Variants in THSD7B observed in about 807,000 individuals in gnomAD.
The protein encoded by THSD7B is thrombospondin type-1 domain-containing protein 7B.
THSD7B carries 138 observed loss-of-function variants against 213.6 expected under a neutral mutation model. That is an observed-to-expected ratio of 0.65 (90% CI 0.56 to 0.74). The LOEUF (loss-of-function observed/expected upper bound fraction) is 0.74. Ranked by LOEUF, THSD7B falls within the 30% of genes least tolerant of loss-of-function variation. The probability of loss-of-function intolerance (pLI) is 0.00; values close to 1 mark genes in which losing one functional copy is unlikely to be tolerated. For missense variants in THSD7B, 1,931 were observed against 1,991.5 expected (o/e 0.97, Z 0.58); for synonymous variants, 742 against 687.0 (o/e 1.08, Z -1.25).
At chr2:137,254,785 A>G (rs1436274815) in intron 10 of THSD7B, among the ~76,000 whole-genome samples, 1 of 152,092 alleles carries the variant, frequency 6.6e-6, no homozygotes, top group Admixed American at 6.6e-5. Flanking sequence ...CCCCAAGTAA[A>G]TTGTAGGATT....
intron 24 of THSD7B, among the ~76,000 whole-genome samples, chr2:137,659,255 G>C (rs1032440838): frequency 7.9e-5 from 12 of 152,088 alleles, no homozygotes; most frequent in African/African-American, 2.9e-4. Flanking sequence ...GTTGAAATCG[G>C]CCTAGTGCCT....
At chr2:137,062,311 T>C (rs965175086) in intron 3 of THSD7B, among the ~76,000 whole-genome samples, 2 of 151,634 alleles carry the variant, frequency 1.3e-5, no homozygotes, top group Non-Finnish European at 3.0e-5. Flanking sequence ...TTTTTTTCTA[T>C]TGATTTTTTT....
At chr2:137,536,689 C>G (rs926878753) in intron 15 of THSD7B, among the ~76,000 whole-genome samples, 1 of 150,334 alleles carries the variant, frequency 6.7e-6, no homozygotes, top group African/African-American at 2.4e-5. Context: ...AAAAAAAAGA[C>G]AAAGAAAAAA....
chr2:137,569,016 C>T (rs948185771), intron 16 of THSD7B, among the ~76,000 whole-genome samples: 1 of 152,122 alleles, frequency 6.6e-6, no homozygotes, highest in African/African-American at 2.4e-5. Context: ...GGAAGATTTT[C>T]TTAGATTGTC....
chr2:137,587,146 C>A (rs958220303), intron 17 of THSD7B, among the ~76,000 whole-genome samples: 1 of 152,190 alleles, frequency 6.6e-6, no homozygotes, highest in Non-Finnish European at 1.5e-5. Flanking sequence ...GAAGCTTGTG[C>A]ATTTGTCACG....
At chr2:137,391,385 T>A (rs1205521813) in intron 12 of THSD7B, among the ~76,000 whole-genome samples, 1 of 152,126 alleles carries the variant, frequency 6.6e-6, no homozygotes, top group Non-Finnish European at 1.5e-5. Context: ...ATCAATTTTT[T>A]TTAAAATCTT....
intron 10 of THSD7B, among the ~76,000 whole-genome samples, chr2:137,268,559 T>C (rs1238771748): frequency 1.3e-5 from 2 of 152,204 alleles, no homozygotes. Flanking sequence ...CCATGCCATC[T>C]GTAAACTGTC....
chr2:137,311,400 T>A (rs544717380), intron 12 of THSD7B, among the ~76,000 whole-genome samples: 56 of 152,220 alleles, frequency 3.7e-4, no homozygotes, highest in African/African-American at 1.2e-3. Context: ...TTAAGGAGAT[T>A]TTAGACTGAG....
At chr2:136,993,916 C>T (rs979725518) in intron 2 of THSD7B, among the ~76,000 whole-genome samples, 7 of 152,106 alleles carry the variant, frequency 4.6e-5, no homozygotes, top group African/African-American at 9.7e-5. Context: ...TAAATATATA[C>T]GTGCATTTAT....
chr2:137,604,812 G>C (rs1390631011), intron 17 of THSD7B, among the ~76,000 whole-genome samples: 1 of 152,032 alleles, frequency 6.6e-6, no homozygotes, highest in Non-Finnish European at 1.5e-5. Context: ...AAGTATCTAT[G>C]AATAATATTA....
At chr2:137,272,771 A>G (rs1297695435) in intron 11 of THSD7B, 109 bp downstream of exon 11, 1 of 1,131,642 alleles carries the variant, frequency 8.8e-7, no homozygotes, top group Non-Finnish European at 1.3e-6. Flanking sequence ...AGGGGATCTG[A>G]CATTTACATA....
intron 2 of THSD7B, among the ~76,000 whole-genome samples, chr2:136,909,042 G>A (rs1684216755): frequency 6.6e-6 from 1 of 152,040 alleles, no homozygotes; most frequent in Non-Finnish European, 1.5e-5. Context: ...AGTTAGTCAG[G>A]CATGATGGCA....
intron 12 of THSD7B, among the ~76,000 whole-genome samples, chr2:137,398,719 T>G (rs1179622700): frequency 6.6e-6 from 1 of 152,190 alleles, no homozygotes; most frequent in African/African-American, 2.4e-5. Flanking sequence ...GCTGCTTTGT[T>G]TACCTAATCA....
intron 2 of THSD7B, among the ~76,000 whole-genome samples, chr2:137,042,848 G>A (rs550702387): frequency 5.3e-5 from 8 of 152,236 alleles, no homozygotes; most frequent in South Asian, 2.1e-4. Flanking sequence ...AAGTCCCTCC[G>A]TAATTCAAAT....
In THSD7B at chr2:136,996,008, TCTTTA is replaced by T. The variant is rs545473444; in HGVS notation, c.140-60407_140-60403del. Among the ~76,000 whole-genome samples, 19 of 152,344 alleles carry T rather than the reference TCTTTA, an allele frequency of 1.2e-4. No individual in the cohort carries two copies. The South Asian group carries it at 3.9e-3, about 32-fold the overall frequency. ...TTCTCCTAAAGGTTTTGAGGAATCATCTTTACTTTTTATTTCATGTCACATAACAT... is the reference window on the plus strand; with the variant it reads ...TTCTCCTAAAGGTTTTGAGGAATCATCTTTTTATTTCATGTCACATAACAT... On this transcript the variant is annotated intron_variant, in intron 2 of 27. Transcript: ENST00000409968.
Position 137,226,163 on chromosome 2 carries a change from A to G in THSD7B, c.1724-4881A>G, listed in dbSNP as rs146381344. Among the ~76,000 whole-genome samples, 234 of 151,908 alleles carry G rather than the reference A, an allele frequency of 1.5e-3. 4 individuals carry two copies. Among genetic ancestry groups the G allele is most frequent in the African/African-American group, 5.4e-3 (225 of 41,532 alleles). On this transcript the variant is annotated intron_variant, in intron 7 of 27. Transcript: ENST00000409968. Reference sequence around the variant, plus strand: ...TAGGACATAAAATTTTATGACATGTAGAGTATTTTCGATAACTGTTTCATT... The same window carrying G: ...TAGGACATAAAATTTTATGACATGTGGAGTATTTTCGATAACTGTTTCATT...
intron 7 of THSD7B, among the ~76,000 whole-genome samples, chr2:137,183,606 T>C (rs566762074): frequency 6.6e-5 from 10 of 152,232 alleles, no homozygotes; most frequent in Non-Finnish European, 1.2e-4. Flanking sequence ...GAAAATGCCT[T>C]AGTAATAGCA....
chr2:137,494,883 A>T (rs1475250462), intron 15 of THSD7B, among the ~76,000 whole-genome samples: 4 of 152,118 alleles, frequency 2.6e-5, no homozygotes. Context: ...CAATCCATGT[A>T]TCCATTCTCT....
chr2:137,094,840 T>C (rs754242474), intron 3 of THSD7B, 33 bp from the exon 4 acceptor site: 6 of 1,599,550 alleles, frequency 3.8e-6, no homozygotes, highest in Non-Finnish European at 1.7e-6. Flanking sequence ...CATTAATATA[T>C]GGCCTCCTAT....
Sources: allele counts gnomAD v4.1 joint callset (sites outside exome capture counted in the v4.1 genomes callset), GRCh38; gene constraint gnomAD v4.1.1; transcripts MANE v1.5; gene names NCBI Gene and HGNC (gene_info 2026-07-23, HGNC 2026-07-21).